The following PRR5L variants were observed in gnomAD, a reference collection of about 807,000 sequenced individuals.
The protein encoded by PRR5L is proline-rich protein 5-like.
PRR5L carries 21 observed loss-of-function variants against 36.4 expected under a neutral mutation model. The observed-to-expected ratio is 0.58, with a 90% CI of 0.41 to 0.83. The LOEUF is 0.83. PRR5L is among the 40% of genes least tolerant of loss of function. The pLI, the probability that PRR5L is intolerant of heterozygous loss-of-function variation, is 0.00. For synonymous variants in PRR5L, 188 were observed against 197.0 expected (o/e 0.95, Z 0.38); for missense variants, 381 against 473.3 (o/e 0.80, Z 1.81).
At chr11:36,409,205 T>A (rs1029365315) in intron 3 of PRR5L, among the ~76,000 whole-genome samples, 2 of 152,172 alleles carry the variant, frequency 1.3e-5, no homozygotes, top group Non-Finnish European at 2.9e-5. Context: ...CTAACGTTCT[T>A]GCCACCACCA....
chr11:36,392,362 C>A (rs1191181340), intron 1 of PRR5L, among the ~76,000 whole-genome samples: 1 of 152,078 alleles, frequency 6.6e-6, no homozygotes, highest in Admixed American at 6.6e-5. Context: ...CATATGGTAG[C>A]CCTATTTTTT....
chr11:36,345,374 T>G (rs1856854728), intron 1 of PRR5L, among the ~76,000 whole-genome samples: 1 of 152,100 alleles, frequency 6.6e-6, no homozygotes, highest in Non-Finnish European at 1.5e-5. Flanking sequence ...GGAACATGAT[T>G]GCAGTGTGTA....
chr11:36,406,418 A>G (rs1857913711), intron 3 of PRR5L, among the ~76,000 whole-genome samples: 2 of 152,302 alleles, frequency 1.3e-5, no homozygotes, highest in South Asian at 4.1e-4. Context: ...TATTTTAGAG[A>G]AGGCCAGAGG....
chr11:36,431,363 ATGCACACAT>A (rs905854704), intron 4 of PRR5L, among the ~76,000 whole-genome samples: 2 of 152,212 alleles, frequency 1.3e-5, no homozygotes, highest in African/African-American at 4.8e-5. Flanking sequence ...ACAATTTCCC[ATGCACACAT>A]TCATTGACAG....
At chr11:36,413,700 T>TTTTTATTTTATTTTA (rs533226403) in intron 3 of PRR5L, among the ~76,000 whole-genome samples, 3,888 of 150,896 alleles carry the variant, frequency 0.026, 68 homozygotes, top group East Asian at 0.073. Flanking sequence ...TTATTTCTAT[T>TTTTTATTTTATTTTA]TTTTATTTTA....
At chr11:36,352,259 C>T (rs1052871197) in intron 1 of PRR5L, among the ~76,000 whole-genome samples, 1 of 151,916 alleles carries the variant, frequency 6.6e-6, no homozygotes, top group African/African-American at 2.4e-5. Flanking sequence ...TGTTCTTAGC[C>T]CATTTTTGAT....
At chr11:36,432,531 C>A (rs1191070447) in intron 5 of PRR5L, among the ~76,000 whole-genome samples, 1 of 152,144 alleles carries the variant, frequency 6.6e-6, no homozygotes, top group African/African-American at 2.4e-5. Context: ...ACTCTTAGCT[C>A]CCACCAAAGT....
At chr11:36,453,660 C>T (rs1858988559) in intron 8 of PRR5L, among the ~76,000 whole-genome samples, 1 of 152,156 alleles carries the variant, frequency 6.6e-6, no homozygotes, top group African/African-American at 2.4e-5. Flanking sequence ...CCCTGCCCTC[C>T]AGAGCACACA....
At chr11:36,303,513 C>T (rs982640188) in intron 1 of PRR5L, among the ~76,000 whole-genome samples, 2 of 152,238 alleles carry the variant, frequency 1.3e-5, no homozygotes, top group African/African-American at 4.8e-5. Context: ...CTAATCCTCA[C>T]TTTTGGTGCA....
intron 8 of PRR5L, among the ~76,000 whole-genome samples, chr11:36,458,891 G>C (rs182489398): frequency 1.3e-5 from 2 of 152,346 alleles, no homozygotes; most frequent in South Asian, 4.1e-4. Flanking sequence ...TGTCCTGCCT[G>C]GCTGGCAGAG....
At chr11:36,430,229 G>GTT (rs36062681) in intron 4 of PRR5L, among the ~76,000 whole-genome samples, 10 of 152,102 alleles carry the variant, frequency 6.6e-5, no homozygotes, top group Non-Finnish European at 1.3e-4. Flanking sequence ...GGCCAACATG[G>GTT]TGAAACCCCG....
chr11:36,302,430 G>A (rs7942451), intron 1 of PRR5L, among the ~76,000 whole-genome samples: 5,647 of 152,270 alleles, frequency 0.037, 158 homozygotes, highest in East Asian at 0.1. Context: ...AGGTCCTATA[G>A]AGTCTTATAA....
chr11:36,406,065 T>A (rs563275989), intron 3 of PRR5L, among the ~76,000 whole-genome samples: 26 of 152,020 alleles, frequency 1.7e-4, no homozygotes, highest in African/African-American at 6.3e-4. Flanking sequence ...GAAAGAGAGG[T>A]CTTATGTTGG....
intron 3 of PRR5L, among the ~76,000 whole-genome samples, chr11:36,416,425 T>C (rs980440344): frequency 3.9e-5 from 6 of 152,226 alleles, no homozygotes; most frequent in Non-Finnish European, 7.3e-5. Context: ...TCTCCTACTG[T>C]ACCTGGCTAT....
rs573113439 is a variant in PRR5L, at chr11:36,363,587, C to T, written c.-125-37410C>T. On this transcript the variant is annotated intron_variant, in intron 1 of 8. Transcript: ENST00000530639. ...CGCCTTTGAGAGATGAATCAACCCC[C>T]GGGCAGGTTTCCTGCAAGGAGTGGA... Among the ~76,000 whole-genome samples, 5 of 152,338 alleles carry T rather than the reference C, an allele frequency of 3.3e-5. No individual in the cohort carries two copies. In the South Asian group the frequency reaches 6.2e-4, roughly 19 times the overall value.
intron 3 of PRR5L, among the ~76,000 whole-genome samples, chr11:36,405,288 T>C (rs764423507): frequency 6.6e-6 from 1 of 152,246 alleles, no homozygotes; most frequent in African/African-American, 2.4e-5. Context: ...GATACATCTC[T>C]TATTTTTCAA....
chr11:36,302,408 A>G (rs1856386332), intron 1 of PRR5L, among the ~76,000 whole-genome samples: 1 of 152,204 alleles, frequency 6.6e-6, no homozygotes, highest in African/African-American at 2.4e-5. Flanking sequence ...AGATGGGAAG[A>G]GAAAGGTAGG....
intron 6 of PRR5L, among the ~76,000 whole-genome samples, chr11:36,439,433 T>C (rs1442132626): frequency 1.3e-5 from 2 of 152,180 alleles, no homozygotes; most frequent in Non-Finnish European, 2.9e-5. Context: ...TGGTAAGATC[T>C]GGCAACAATT....
At chr11:36,329,028 A>G (rs1160014) in intron 1 of PRR5L, 24,103 of 152,208 alleles carry the variant, frequency 0.16, 2,275 homozygotes, top group African/African-American at 0.27. Flanking sequence ...CAGGTATTTA[A>G]TAAAGGGCAT....
Sources: gnomAD v4.1 joint callset for allele counts (sites outside exome capture counted in the v4.1 genomes callset) on GRCh38, gnomAD v4.1.1 for gene constraint, MANE v1.5 for transcripts, NCBI Gene and HGNC (gene_info 2026-07-23, HGNC 2026-07-21) for gene names.